The following TMEM171 variants were observed in gnomAD, a reference collection of about 807,000 sequenced individuals.
TMEM171 encodes the protein transmembrane protein 171.
TMEM171 carries 16 observed loss-of-function variants against 19.1 expected under a neutral mutation model. That is an observed-to-expected ratio of 0.84 (90% CI 0.57 to 1.27). The LOEUF (loss-of-function observed/expected upper bound fraction) is 1.27. Among genes scored for constraint, TMEM171 ranks in the 50% most tolerant of loss-of-function variants. The pLI, the probability that TMEM171 is intolerant of heterozygous loss-of-function variation, is 0.00. For missense variants in TMEM171, 429 were observed against 412.7 expected, an observed-to-expected ratio of 1.04 and a Z score of -0.34; for synonymous variants, 153 against 163.4, an observed-to-expected ratio of 0.94 and a Z score of 0.48.
chr5:73,120,849 G>T (rs2112917243), intron 1 of TMEM171, among the ~76,000 whole-genome samples, 153 bp downstream of exon 1: 1 of 152,212 alleles, frequency 6.6e-6, no homozygotes, highest in East Asian at 1.9e-4. Flanking sequence ...GCTGTTGCTT[G>T]CGCTCGGGCT....
intron 1 of TMEM171, among the ~76,000 whole-genome samples, chr5:73,122,778 G>A (rs893996879): frequency 3.0e-4 from 45 of 152,190 alleles, no homozygotes; most frequent in African/African-American, 1.0e-3. Context: ...TTATTCTATT[G>A]AAATTGCTGA....
At chr5:73,127,384 A>AAAAAAAAATATATAT in intron 2 of TMEM171, among the ~76,000 whole-genome samples, 1 of 81,696 alleles carries the variant, frequency 1.2e-5, no homozygotes, top group Non-Finnish European at 2.2e-5. Context: ...AAAAAAAAAA[A>AAAAAAAAATATATAT]ATATATATAT....
At chr5:73,126,009 G>T (rs1369368428) in intron 2 of TMEM171, among the ~76,000 whole-genome samples, 2 of 152,208 alleles carry the variant, frequency 1.3e-5, no homozygotes, top group African/African-American at 2.4e-5. Context: ...TATGTTGTCT[G>T]CTCACAGAGG....
chr5:73,129,657 T>C (rs1336107194), intron 3 of TMEM171, among the ~76,000 whole-genome samples: 1 of 152,184 alleles, frequency 6.6e-6, no homozygotes, highest in Non-Finnish European at 1.5e-5. Context: ...GAATGTTTAA[T>C]GACCCACCAA....
intron 3 of TMEM171, among the ~76,000 whole-genome samples, chr5:73,129,247 T>G (rs1399207670): frequency 6.6e-6 from 1 of 152,170 alleles, no homozygotes; most frequent in African/African-American, 2.4e-5. Context: ...CCCTAGAGGT[T>G]TCCCATTGGC....
Position 73,120,655 on chromosome 5 carries a change from C to T in TMEM171, c.-110C>T. On this transcript the variant is annotated 5_prime_UTR_variant, in exon 1 of 4. Transcript: ENST00000454765. ...AGGCGGACGCCGCGCCCAGCCAGTGCCCACAGCAGCGCGGTCAGCCAGGCG... is the reference window on the plus strand; with the variant it reads ...AGGCGGACGCCGCGCCCAGCCAGTGTCCACAGCAGCGCGGTCAGCCAGGCG... 4 of 984,672 alleles carry T rather than the reference C, an allele frequency of 4.1e-6. No homozygotes were observed. Among genetic ancestry groups the T allele is most frequent in the South Asian group, 4.7e-5 (1 of 21,296 alleles). The allele number at this position is 984,672 out of a possible 1,614,324, so 61.0% of individuals were successfully genotyped here. A position where few individuals can be genotyped will look rare whatever the true frequency, so the allele number is the denominator to read the frequency against.
In TMEM171 at chr5:73,123,919, T is replaced by C. The variant is rs894427468; in HGVS notation, c.546T>C (p.His182=). 3.1e-6 allele frequency: 5 copies of C among 1,613,744 alleles called. No individual in the cohort carries two copies. The highest frequency in any genetic ancestry group is 2.7e-5 in the African/African-American group (2 of 74,874). ...GATTGTGTTTCTTCGTGGTTGCCCA[T>C]GTTAAGAAGAGAAACACGCTGAATG... is the stretch of plus-strand genomic sequence containing the variant. The part of the protein sequence containing the change: ...LVGLCFFVVA[H]VKKRNTLNAG... Residue 182 remains histidine (H), a synonymous_variant, in exon 2 of 4, where the codon CAT becomes CAC. Coordinates refer to ENST00000454765, the MANE Select transcript of TMEM171 (RefSeq NM_173490.8).
intron 2 of TMEM171, among the ~76,000 whole-genome samples, chr5:73,125,464 C>A (rs1744137836): frequency 6.6e-6 from 1 of 152,174 alleles, no homozygotes; most frequent in South Asian, 2.1e-4. Context: ...AAGGTTCCAA[C>A]CCAAGTGTCT....
At chr5:73,127,384 A>ATATATAT (rs1554078607) in intron 2 of TMEM171, among the ~76,000 whole-genome samples, 56 of 81,674 alleles carry the variant, frequency 6.9e-4, no homozygotes, top group African/African-American at 1.9e-3. Flanking sequence ...AAAAAAAAAA[A>ATATATAT]ATATATATAT....
chr5:73,123,259 T>A (rs1192623359), intron 1 of TMEM171, 47 bp from the exon 2 acceptor site: 1 of 1,492,318 alleles, frequency 6.7e-7, no homozygotes, highest in East Asian at 2.3e-5. Flanking sequence ...AGGGTGGTTC[T>A]GGAACACCTG....
chr5:73,127,016 A>G (rs1744179565), intron 2 of TMEM171, among the ~76,000 whole-genome samples: 1 of 152,142 alleles, frequency 6.6e-6, no homozygotes, highest in Non-Finnish European at 1.5e-5. Flanking sequence ...TAGCCACAGA[A>G]ATGCAAAAAC....
chr5:73,131,514 C>T, intron 3 of TMEM171, 24 bp from the exon 4 acceptor site: 1 of 1,550,792 alleles, frequency 6.4e-7, no homozygotes, highest in South Asian at 1.3e-5. Flanking sequence ...CCCTCCCCTT[C>T]ATGTTCTCTC....
intron 1 of TMEM171, 42 bp downstream of exon 1, chr5:73,120,738 G>C (rs1246925638): frequency 1.0e-6 from 1 of 983,718 alleles, no homozygotes; most frequent in Non-Finnish European, 1.2e-6. Context: ...GCGGCGGCGG[G>C]TCGGGCGCTG....
intron 2 of TMEM171, among the ~76,000 whole-genome samples, chr5:73,124,837 C>T (rs1199425565): frequency 6.6e-6 from 1 of 152,230 alleles, no homozygotes; most frequent in Non-Finnish European, 1.5e-5. Context: ...CTCAGCTTCA[C>T]ACAACCAAGG....
In TMEM171 at chr5:73,123,667, C is replaced by T. The variant is rs767083201; in HGVS notation, c.294C>T (p.Asp98=). Residue 98 remains aspartate, a synonymous_variant, in exon 2 of 4, where the codon GAC becomes GAT. Transcript: ENST00000454765. The stretch of plus-strand genomic sequence containing the variant: ...AGAGAGGTCAGCAGATGGACCCCGA[C>T]CGAGCCTTCATCTGTGGAGAGAGCC... ...GLQRGQQMDP[D]RAFICGESRQ... 3.8e-5 allele frequency: 61 copies of T among 1,614,124 alleles called. 1 individual carries two copies. The South Asian group carries it at 4.0e-4, about 10-fold the overall frequency.
At chr5:73,125,636 G>C (rs993314147) in intron 2 of TMEM171, among the ~76,000 whole-genome samples, 1 of 152,178 alleles carries the variant, frequency 6.6e-6, no homozygotes, top group African/African-American at 2.4e-5. Flanking sequence ...ACACCGTGGG[G>C]TACAAGTAAA....
At chr5:73,130,406 G>A (rs1744300685) in intron 3 of TMEM171, among the ~76,000 whole-genome samples, 1 of 152,200 alleles carries the variant, frequency 6.6e-6, no homozygotes. Flanking sequence ...GGTGAAGCAG[G>A]TAAGACAATG....
In TMEM171 at chr5:73,123,458, G is replaced by C. The variant is rs763131647; in HGVS notation, c.85G>C (p.Gly29Arg). Residue 29 changes from glycine to arginine, a missense_variant, in exon 2 of 4, where the codon GGC becomes CGC. Coordinates refer to ENST00000454765, the MANE Select transcript of TMEM171 (RefSeq NM_173490.8). ...ACTCATCTTCTGCTTCTTTGTCTTCGGCGCCGTCTTGTTGTGTGTGGGAGT... is the reference window on the plus strand; with the variant it reads ...ACTCATCTTCTGCTTCTTTGTCTTCCGCGCCGTCTTGTTGTGTGTGGGAGT... ...SKLIFCFFVF[G>R]AVLLCVGVLL... The C allele has an allele frequency of 6.2e-7, 1 of 1,614,026 alleles. No individual in the cohort carries two copies. Among genetic ancestry groups the C allele is most frequent in the Non-Finnish European group, 8.5e-7 (1 of 1,180,030 alleles).
intron 1 of TMEM171, among the ~76,000 whole-genome samples, chr5:73,122,592 T>C (rs530784312): frequency 1.3e-5 from 2 of 152,162 alleles, no homozygotes; most frequent in East Asian, 3.9e-4. Context: ...AGAGATGGGG[T>C]TTTGCTATGT....
Sources: gnomAD v4.1 joint callset for allele counts (sites outside exome capture counted in the v4.1 genomes callset) on GRCh38, gnomAD v4.1.1 for gene constraint, MANE v1.5 for transcripts, NCBI Gene and HGNC (gene_info 2026-07-23, HGNC 2026-07-21) for gene names.